Variants in PLCL2 observed in about 807,000 individuals in gnomAD.
PLCL2 encodes phospholipase C like 2, also known as inactive phospholipase C-like protein 2.
A neutral mutation model predicts 79.6 loss-of-function variants in PLCL2; 4 were observed. The ratio of observed to expected loss-of-function variants is 0.05; its 90% confidence interval spans 0.02 to 0.11. The LOEUF is 0.11. Ranked by LOEUF, PLCL2 falls within the 10% of genes least tolerant of loss-of-function variation. The pLI, the probability that PLCL2 is intolerant of heterozygous loss-of-function variation, is 1.00. For missense variants in PLCL2, 895 were observed against 1,291.0 expected (o/e 0.69, Z 4.70); for synonymous variants, 484 against 457.7 (o/e 1.06, Z -0.73).
At chr3:17,080,726 C>G (rs1028522734) in intron 5 of PLCL2, among the ~76,000 whole-genome samples, 3 of 152,234 alleles carry the variant, frequency 2.0e-5, no homozygotes, top group Non-Finnish European at 2.9e-5. Flanking sequence ...GCTGGGATTA[C>G]AGGTGTGAGC....
At chr3:16,954,387 T>A (rs1026892089) in intron 1 of PLCL2, among the ~76,000 whole-genome samples, 1 of 152,238 alleles carries the variant, frequency 6.6e-6, no homozygotes, top group African/African-American at 2.4e-5. Context: ...TAGTATTCCA[T>A]GGTGTATATG....
chr3:16,948,618 G>A (rs554140083), intron 1 of PLCL2, among the ~76,000 whole-genome samples: 2 of 152,280 alleles, frequency 1.3e-5, no homozygotes, highest in South Asian at 2.1e-4. Context: ...GACTTTAGAG[G>A]TACAGAGCAT....
intron 4 of PLCL2, among the ~76,000 whole-genome samples, chr3:17,060,489 G>A (rs2064939524): frequency 6.6e-6 from 1 of 152,128 alleles, no homozygotes; most frequent in Non-Finnish European, 1.5e-5. Context: ...AAGCAATTAG[G>A]CATTTCCACA....
At chr3:17,054,344 CACA>C (rs2064872707) in intron 4 of PLCL2, among the ~76,000 whole-genome samples, 1 of 152,112 alleles carries the variant, frequency 6.6e-6, no homozygotes, top group African/African-American at 2.4e-5. Context: ...GTATTTTGGT[CACA>C]ACAATTTAAC....
At chr3:17,047,478 T>C (rs913055496) in intron 4 of PLCL2, among the ~76,000 whole-genome samples, 1 of 152,206 alleles carries the variant, frequency 6.6e-6, no homozygotes. Context: ...CCTCTTTAAA[T>C]GGAAGGTTCT....
chr3:16,970,902 T>A (rs1262553323), intron 1 of PLCL2, among the ~76,000 whole-genome samples: 11 of 151,780 alleles, frequency 7.2e-5, no homozygotes, highest in Non-Finnish European at 7.4e-5. Context: ...CACTTTTTGA[T>A]GGGGTTGTTT....
intron 4 of PLCL2, among the ~76,000 whole-genome samples, chr3:17,057,129 A>G (rs1225132060): frequency 6.6e-6 from 1 of 152,214 alleles, no homozygotes; most frequent in African/African-American, 2.4e-5. Context: ...TTTTAAGCCA[A>G]CATTTACTAA....
chr3:17,013,577 T>C (rs1018635632), intron 2 of PLCL2, among the ~76,000 whole-genome samples: 2 of 152,236 alleles, frequency 1.3e-5, no homozygotes, highest in Non-Finnish European at 2.9e-5. Flanking sequence ...TTTGAGCCAA[T>C]GATCTATAGT....
At chr3:16,970,265 T>A (rs2063847405) in intron 1 of PLCL2, among the ~76,000 whole-genome samples, 2 of 151,398 alleles carry the variant, frequency 1.3e-5, no homozygotes, top group Non-Finnish European at 2.9e-5. Context: ...CCTGTGTCCA[T>A]GTGTTCTCAT....
intron 1 of PLCL2, among the ~76,000 whole-genome samples, chr3:16,893,237 T>C (rs1269053029): frequency 6.6e-6 from 1 of 152,214 alleles, no homozygotes. Context: ...GGGGTTAGTT[T>C]CCATTTTTAT....
At chr3:16,943,671 GTTA>G (rs1343176377) in intron 1 of PLCL2, among the ~76,000 whole-genome samples, 3 of 152,090 alleles carry the variant, frequency 2.0e-5, no homozygotes, top group Non-Finnish European at 4.4e-5. Flanking sequence ...GTTCTAAAAT[GTTA>G]TTATCTGCTT....
chr3:17,035,341 G>A (rs574432927), intron 3 of PLCL2, among the ~76,000 whole-genome samples: 2 of 152,294 alleles, frequency 1.3e-5, no homozygotes, highest in Admixed American at 1.3e-4. Flanking sequence ...TAACTGTGGG[G>A]TGTGTAACAT....
intron 3 of PLCL2, among the ~76,000 whole-genome samples, chr3:17,018,164 A>G (rs1407477432): frequency 6.6e-6 from 1 of 152,172 alleles, no homozygotes; most frequent in Non-Finnish European, 1.5e-5. Context: ...AGTCAGAGAC[A>G]TGAGTGTGGG....
At chr3:17,064,536 G>A (rs2064988689) in intron 4 of PLCL2, among the ~76,000 whole-genome samples, 1 of 152,108 alleles carries the variant, frequency 6.6e-6, no homozygotes, top group African/African-American at 2.4e-5. Context: ...CCTTGGTTGC[G>A]TATCTTTCGT....
At chr3:17,044,083 G>C (rs1195859386) in intron 4 of PLCL2, 3 of 152,380 alleles carry the variant, frequency 2.0e-5, no homozygotes, top group African/African-American at 7.2e-5. Flanking sequence ...TCAAGTTGGT[G>C]TGTGAGGCAC....
At chr3:17,043,616 T>A (rs2064749508) in intron 4 of PLCL2, among the ~76,000 whole-genome samples, 1 of 148,596 alleles carries the variant, frequency 6.7e-6, no homozygotes, top group South Asian at 2.2e-4. Context: ...TGGAGAATAT[T>A]TTCAAGTCAT....
At chr3:17,036,959 T>A (rs1420947178) in intron 3 of PLCL2, among the ~76,000 whole-genome samples, 1 of 152,168 alleles carries the variant, frequency 6.6e-6, no homozygotes, top group African/African-American at 2.4e-5. Flanking sequence ...GAAGGAGCCA[T>A]CATGGCTTCA....
chr3:16,921,731 G>A (rs1697128404), intron 1 of PLCL2, among the ~76,000 whole-genome samples: 1 of 152,154 alleles, frequency 6.6e-6, no homozygotes, highest in East Asian at 1.9e-4. Context: ...ATTTTTTTCT[G>A]AAGACAGGTG....
intron 1 of PLCL2, among the ~76,000 whole-genome samples, chr3:16,957,022 A>G (rs1363601925): frequency 6.6e-6 from 1 of 151,540 alleles, no homozygotes; most frequent in Non-Finnish European, 1.5e-5. Context: ...TTGTGTCTCT[A>G]TTTCCTTCAG....
Sources: gnomAD v4.1 joint callset for allele counts (sites outside exome capture counted in the v4.1 genomes callset) on GRCh38, gnomAD v4.1.1 for gene constraint, MANE v1.5 for transcripts, NCBI Gene and HGNC (gene_info 2026-07-23, HGNC 2026-07-21) for gene names.